The following CNTN5 variants were observed in gnomAD, a reference collection of about 807,000 sequenced individuals.
CNTN5 encodes the protein contactin 5, also known as contactin-5.
In CNTN5, 77 loss-of-function variants were observed where a neutral mutation model predicts 129.1. That is an observed-to-expected ratio of 0.60 (90% CI 0.50 to 0.72). CNTN5 has a LOEUF of 0.72. Ranked by LOEUF, CNTN5 falls within the 30% of genes least tolerant of loss-of-function variation. The probability of loss-of-function intolerance (pLI) is 0.00; values close to 1 mark genes in which losing one functional copy is unlikely to be tolerated. For missense variants in CNTN5, 1,478 were observed against 1,328.8 expected, an observed-to-expected ratio of 1.11 and a Z score of -1.75; for synonymous variants, 509 against 465.6, an observed-to-expected ratio of 1.09 and a Z score of -1.20.
chr11:99,854,467 A>G (rs1947971373), intron 6 of CNTN5, among the ~76,000 whole-genome samples: 1 of 152,164 alleles, frequency 6.6e-6, no homozygotes, highest in African/African-American at 2.4e-5. Flanking sequence ...AAAGGGCTTG[A>G]ATTCTCCCTC....
At position 100,334,960 on chromosome 11, in the gene CNTN5, T is replaced by C. The variant is rs563609809; in HGVS notation, c.2731-5503T>C. Among the ~76,000 whole-genome samples, 47 of 136,894 alleles carry C rather than the reference T, an allele frequency of 3.4e-4. No individual in the cohort carries two copies. In the East Asian group the frequency reaches 4.2e-3, roughly 12 times the overall value. The allele number at this position is 136,894 out of a possible 152,430, so 89.8% of individuals were successfully genotyped here. On this transcript the variant is annotated intron_variant, in intron 21 of 24. Transcript: ENST00000524871. Reference sequence around the variant, plus strand: ...AAATGGAAAACTAAAAATTAGACAATTTTTTTTTAAAACTTGATAAGTAAA... The same window carrying C: ...AAATGGAAAACTAAAAATTAGACAACTTTTTTTTAAAACTTGATAAGTAAA...
chr11:99,505,177 G>A (rs762757353), intron 2 of CNTN5, among the ~76,000 whole-genome samples: 4 of 152,026 alleles, frequency 2.6e-5, no homozygotes, highest in African/African-American at 7.2e-5. Flanking sequence ...GAAAGAAAGC[G>A]CTGGACTTGT....
At chr11:99,317,943 T>C (rs1865412992) in intron 1 of CNTN5, among the ~76,000 whole-genome samples, 1 of 152,158 alleles carries the variant, frequency 6.6e-6, no homozygotes, top group Non-Finnish European at 1.5e-5. Context: ...CACATGCACT[T>C]TTCTGTCACC....
At chr11:99,183,086 T>C (rs1858163089) in intron 1 of CNTN5, among the ~76,000 whole-genome samples, 1 of 152,162 alleles carries the variant, frequency 6.6e-6, no homozygotes, top group Admixed American at 6.5e-5. Flanking sequence ...TCTTATTTAG[T>C]CATGGTGATT....
chr11:99,172,726 A>G (rs1225957692), intron 1 of CNTN5, among the ~76,000 whole-genome samples: 5 of 152,236 alleles, frequency 3.3e-5, no homozygotes, highest in Non-Finnish European at 5.9e-5. Flanking sequence ...GTTGACTTCT[A>G]GAAGGACACT....
chr11:99,118,774 GT>G (rs1858164145), intron 1 of CNTN5, among the ~76,000 whole-genome samples: 1 of 151,772 alleles, frequency 6.6e-6, no homozygotes, highest in African/African-American at 2.4e-5. Context: ...ATTCTTAAAA[GT>G]TTGAATCACT....
Position 99,040,260 on chromosome 11 carries a change from T to G in CNTN5, c.-210+18990T>G, listed in dbSNP as rs189719874. Among the ~76,000 whole-genome samples the G allele has an allele frequency of 3.0e-3, 454 of 152,248 alleles. 3 individuals carry two copies. The highest frequency in any genetic ancestry group is 0.011 in the African/African-American group (440 of 41,558). ...TGAATGATTAGAACCAAAAGCATTTTGTCACTGTATTTGTGTGTGTGTGTT... is the reference window on the plus strand; with the variant it reads ...TGAATGATTAGAACCAAAAGCATTTGGTCACTGTATTTGTGTGTGTGTGTT... On this transcript the variant is annotated intron_variant, in intron 1 of 24. Transcript: ENST00000524871.
intron 2 of CNTN5, among the ~76,000 whole-genome samples, chr11:99,483,038 G>C (rs536760060): frequency 6.6e-6 from 1 of 151,610 alleles, no homozygotes; most frequent in Non-Finnish European, 1.5e-5. Flanking sequence ...GCTGGGCGTG[G>C]GGTGGCCCGT....
chr11:99,462,332 T>G (rs1944732790), intron 2 of CNTN5, among the ~76,000 whole-genome samples: 1 of 147,838 alleles, frequency 6.8e-6, no homozygotes, highest in Non-Finnish European at 1.5e-5. Context: ...CCTTTTTCTT[T>G]CTTTTTTTTC....
At chr11:100,122,130 C>T (rs551784962) in intron 13 of CNTN5, among the ~76,000 whole-genome samples, 1 of 152,120 alleles carries the variant, frequency 6.6e-6, no homozygotes, top group South Asian at 2.1e-4. Flanking sequence ...TAGCAAGGCT[C>T]AGTCCAAATC....
At chr11:99,849,392 T>G (rs1165350525) in intron 6 of CNTN5, among the ~76,000 whole-genome samples, 1 of 152,012 alleles carries the variant, frequency 6.6e-6, no homozygotes. Context: ...TATGCATAAT[T>G]AGTATACTGA....
intron 9 of CNTN5, among the ~76,000 whole-genome samples, chr11:100,044,172 AT>A (rs1565821603): frequency 3.2e-3 from 14 of 4,330 alleles, no homozygotes; most frequent in African/African-American, 0.019. Context: ...CATATCATGT[AT>A]ATATATATAT....
intron 2 of CNTN5, among the ~76,000 whole-genome samples, chr11:99,448,592 C>G (rs548807710): frequency 1.3e-5 from 2 of 151,558 alleles, no homozygotes; most frequent in African/African-American, 2.4e-5. Flanking sequence ...TAAATCCCTA[C>G]CCTAGGAACC....
intron 2 of CNTN5, among the ~76,000 whole-genome samples, chr11:99,330,438 A>C (rs1456764770): frequency 6.6e-6 from 1 of 152,188 alleles, no homozygotes; most frequent in Non-Finnish European, 1.5e-5. Context: ...TGGAATAAAA[A>C]GAGATCTCAT....
chr11:100,034,916 C>G (rs1178574900), intron 9 of CNTN5, among the ~76,000 whole-genome samples: 2 of 152,122 alleles, frequency 1.3e-5, no homozygotes, highest in African/African-American at 4.8e-5. Context: ...AGCCTCATCA[C>G]TAAATAGTGC....
intron 21 of CNTN5, among the ~76,000 whole-genome samples, chr11:100,332,276 G>A (rs1435654325): frequency 6.6e-6 from 1 of 151,940 alleles, no homozygotes; most frequent in African/African-American, 2.4e-5. Flanking sequence ...CCCTCCTAGA[G>A]TAAACCAAGA....
At chr11:99,836,397 G>GT (rs879929391) in intron 4 of CNTN5, among the ~76,000 whole-genome samples, 50 of 151,248 alleles carry the variant, frequency 3.3e-4, no homozygotes, top group Non-Finnish European at 4.6e-4. Context: ...GCGGTGTTTG[G>GT]TTTTTTGTCC....
At chr11:100,051,556 TAAAC>T (rs1942957128) in intron 9 of CNTN5, among the ~76,000 whole-genome samples, 1 of 151,834 alleles carries the variant, frequency 6.6e-6, no homozygotes, top group Non-Finnish European at 1.5e-5. Flanking sequence ...ACTTCTACCT[TAAAC>T]AAATGGAAAA....
intron 2 of CNTN5, among the ~76,000 whole-genome samples, chr11:99,415,981 G>A (rs564794442): frequency 3.3e-5 from 5 of 152,190 alleles, no homozygotes; most frequent in South Asian, 2.1e-4. Context: ...ACACAAAACC[G>A]AACAATATAA....
Sources: allele counts gnomAD v4.1 joint callset (sites outside exome capture counted in the v4.1 genomes callset), GRCh38; gene constraint gnomAD v4.1.1; transcripts MANE v1.5; gene names NCBI Gene and HGNC (gene_info 2026-07-23, HGNC 2026-07-21).